The following AUTS2 variants were observed in gnomAD, a reference collection of about 807,000 sequenced individuals.
The protein encoded by AUTS2 is autism susceptibility gene 2 protein.
AUTS2 carries 17 observed loss-of-function variants against 112.4 expected under a neutral mutation model. The observed-to-expected ratio is 0.15, with a 90% confidence interval of 0.10 to 0.23. AUTS2 has a LOEUF of 0.23. AUTS2 is among the 10% of genes least tolerant of loss of function. The pLI is 1.00. For missense variants in AUTS2, 1,510 were observed against 1,701.6 expected (o/e 0.89, Z 1.98); for synonymous variants, 751 against 702.7 (o/e 1.07, Z -1.09).
chr7:70,170,667 G>GCTCACTGCAAC (rs1342336129), intron 4 of AUTS2, among the ~76,000 whole-genome samples: 2 of 147,376 alleles, frequency 1.4e-5, no homozygotes, highest in Admixed American at 1.4e-4. Context: ...TGCGATCTCA[G>GCTCACTGCAAC]CTCACTGCAA....
At chr7:69,798,376 T>C (rs1789940720) in intron 1 of AUTS2, among the ~76,000 whole-genome samples, 1 of 152,206 alleles carries the variant, frequency 6.6e-6, no homozygotes, top group Admixed American at 6.5e-5. Flanking sequence ...GTGCGTTCGG[T>C]AAACGTTGCA....
intron 1 of AUTS2, among the ~76,000 whole-genome samples, chr7:69,659,933 G>T (rs1584024913): frequency 6.6e-6 from 1 of 152,020 alleles, no homozygotes; most frequent in South Asian, 2.1e-4. Context: ...GCCCTTAGTT[G>T]TTAACCCTTT....
chr7:69,760,095 CA>C (rs968064704), intron 1 of AUTS2, among the ~76,000 whole-genome samples: 2 of 145,838 alleles, frequency 1.4e-5, no homozygotes, highest in Non-Finnish European at 3.0e-5. Context: ...AAAGATCTGG[CA>C]AAAAAAACAA....
chr7:70,781,891 A>T, intron 15 of AUTS2, 135 bp downstream of exon 15: 1 of 1,066,250 alleles, frequency 9.4e-7, no homozygotes, highest in Non-Finnish European at 1.3e-6. Flanking sequence ...TTGCAAGGCA[A>T]CATCGCAGCA....
At chr7:70,455,567 C>T (rs1248857695) in intron 5 of AUTS2, among the ~76,000 whole-genome samples, 2 of 152,164 alleles carry the variant, frequency 1.3e-5, no homozygotes, top group African/African-American at 2.4e-5. Context: ...CTACACATCA[C>T]AGTCACTCAG....
intron 1 of AUTS2, among the ~76,000 whole-genome samples, chr7:69,608,023 C>T (rs901376200): frequency 6.6e-6 from 1 of 152,196 alleles, no homozygotes; most frequent in African/African-American, 2.4e-5. Context: ...CAGCCCCAAC[C>T]TTCCTGGGCT....
chr7:70,355,029 GGTGTGTGTGTATGTAT>G (rs983669961), intron 4 of AUTS2, among the ~76,000 whole-genome samples: 17 of 135,910 alleles, frequency 1.3e-4, no homozygotes, highest in Middle Eastern at 4.0e-3. Flanking sequence ...TGTGTGTATG[GGTGTGTGTGTATGTAT>G]GTGTGTGTGT....
At position 70,341,010 on chromosome 7, in the gene AUTS2, A is replaced by T. The variant is rs1313338040; in HGVS notation, c.661-94742A>T. ...CTTACTCTTCCAAGAAAGCTTTAAA[A>T]CAGCCCTCATTCTAATAGTAAGGCT... On this transcript the variant is annotated intron_variant, in intron 4 of 18. Coordinates refer to ENST00000342771, the MANE Select transcript of AUTS2 (RefSeq NM_015570.4). Among the ~76,000 whole-genome samples, 7 of 152,350 alleles carry T rather than the reference A, an allele frequency of 4.6e-5. 1 individual carries two copies. In the South Asian group the frequency reaches 1.5e-3, roughly 32 times the overall value.
At position 69,763,419 on chromosome 7, in the gene AUTS2, A is replaced by G. The variant is rs749968459; in HGVS notation, c.310-135867A>G. Among the ~76,000 whole-genome samples, 158 of 152,190 alleles carry G rather than the reference A, an allele frequency of 1.0e-3. 1 individual carries two copies. The highest frequency in any genetic ancestry group is 1.3e-3 in the Admixed American group (20 of 15,278). On this transcript the variant is annotated intron_variant, in intron 1 of 18. Transcript: ENST00000342771. The stretch of plus-strand genomic sequence containing the variant: ...CTAAACTTGTAAGAACGGGTACACA[A>G]GGCATCTTTAGTAAGAAGTAATAAT...
chr7:70,056,186 T>C (rs1015519060), intron 2 of AUTS2, among the ~76,000 whole-genome samples: 5 of 152,218 alleles, frequency 3.3e-5, no homozygotes, highest in South Asian at 2.1e-4. Context: ...CGGGGTTTCA[T>C]GTTAGCCAGG....
At chr7:70,754,655 G>A (rs201263148) in intron 6 of AUTS2, among the ~76,000 whole-genome samples, 1 of 152,194 alleles carries the variant, frequency 6.6e-6, no homozygotes, top group East Asian at 1.9e-4. Context: ...ATTTGACTGT[G>A]ATCTGTAGTC....
Position 70,633,663 on chromosome 7 carries a change from G to A in AUTS2, c.691-64906G>A, listed in dbSNP as rs139579853. 7.2e-3 allele frequency among the ~76,000 whole-genome samples: 1,090 copies of A among 150,796 alleles called. 9 individuals are homozygous for A. The highest frequency in any genetic ancestry group is 0.012 in the Non-Finnish European group (802 of 67,830). On this transcript the variant is annotated intron_variant, in intron 5 of 18. Coordinates refer to ENST00000342771, the MANE Select transcript of AUTS2 (RefSeq NM_015570.4). The stretch of plus-strand genomic sequence containing the variant: ...CACATGGAATGCCTGATCCTTGATT[G>A]GGCCGTAGGTCTAGATTTTTTAAAA...
intron 2 of AUTS2, among the ~76,000 whole-genome samples, chr7:70,117,117 G>GTT (rs60488343): frequency 2.6e-4 from 19 of 73,074 alleles, no homozygotes; most frequent in Admixed American, 3.7e-4. Context: ...TTTTTTTTTT[G>GTT]TTTTTTTTTG....
chr7:70,298,634 G>T (rs555216093), intron 4 of AUTS2, among the ~76,000 whole-genome samples: 1 of 152,316 alleles, frequency 6.6e-6, no homozygotes, highest in Non-Finnish European at 1.5e-5. Flanking sequence ...TATTAACCAT[G>T]TCTGGCTGAG....
chr7:70,258,138 G>A (rs181315464), intron 4 of AUTS2, among the ~76,000 whole-genome samples: 2 of 152,338 alleles, frequency 1.3e-5, no homozygotes, highest in Admixed American at 1.3e-4. Context: ...GGGCTGTAAT[G>A]TGTTGTCAGC....
intron 5 of AUTS2, among the ~76,000 whole-genome samples, chr7:70,637,662 T>C (rs924340062): frequency 1.4e-4 from 22 of 152,128 alleles, no homozygotes; most frequent in African/African-American, 5.3e-4. Context: ...TCTTCCCACA[T>C]TAGAGCAAGA....
At chr7:70,585,281 G>A (rs1228805337) in intron 5 of AUTS2, among the ~76,000 whole-genome samples, 2 of 152,164 alleles carry the variant, frequency 1.3e-5, no homozygotes, top group Non-Finnish European at 2.9e-5. Context: ...GGAGACTCTA[G>A]TCCTCTGGGG....
At chr7:70,593,846 C>G (rs1305225557) in intron 5 of AUTS2, among the ~76,000 whole-genome samples, 1 of 152,192 alleles carries the variant, frequency 6.6e-6, no homozygotes, top group Non-Finnish European at 1.5e-5. Context: ...GAACAGCTCC[C>G]ATTTCCCCAG....
At chr7:70,297,591 G>A (rs1017920117) in intron 4 of AUTS2, among the ~76,000 whole-genome samples, 4 of 151,560 alleles carry the variant, frequency 2.6e-5, no homozygotes, top group Non-Finnish European at 5.9e-5. Flanking sequence ...CACCACACCC[G>A]GGTAATTTTT....
Sources: allele counts gnomAD v4.1 joint callset (sites outside exome capture counted in the v4.1 genomes callset), GRCh38; gene constraint gnomAD v4.1.1; transcripts MANE v1.5; gene names NCBI Gene and HGNC (gene_info 2026-07-23, HGNC 2026-07-21).